The following GRID2 variants were observed in gnomAD, a reference collection of about 807,000 sequenced individuals.
The protein encoded by GRID2 is glutamate receptor ionotropic, delta-2.
Under a neutral mutation model 114.8 loss-of-function variants are expected in GRID2, and 33 were observed. The observed-to-expected ratio is 0.29, with a 90% confidence interval of 0.22 to 0.38. The LOEUF is 0.38. GRID2 is among the 10% of genes least tolerant of loss of function. The pLI is 1.00. For missense variants in GRID2, 1,184 were observed against 1,257.7 expected (o/e 0.94, Z 0.89); for synonymous variants, 505 against 449.9 (o/e 1.12, Z -1.55).
chr4:93,248,026 T>C (rs1386182235), intron 8 of GRID2, among the ~76,000 whole-genome samples: 1 of 152,050 alleles, frequency 6.6e-6, no homozygotes, highest in Non-Finnish European at 1.5e-5. Flanking sequence ...CTTCCCACTC[T>C]ACTAGAGAGC....
intron 2 of GRID2, among the ~76,000 whole-genome samples, chr4:92,656,095 T>G (rs1055945913): frequency 6.6e-6 from 1 of 151,744 alleles, no homozygotes; most frequent in African/African-American, 2.4e-5. Flanking sequence ...TCTATTTTTA[T>G]TTTTTTGAGG....
intron 10 of GRID2, among the ~76,000 whole-genome samples, chr4:93,423,349 T>C (rs1227250944): frequency 1.7e-5 from 2 of 118,822 alleles, no homozygotes; most frequent in Non-Finnish European, 1.8e-5. Context: ...TTTTTTTTTT[T>C]TTTTTTTTTT....
At chr4:93,747,993 T>C (rs1731995980) in intron 14 of GRID2, among the ~76,000 whole-genome samples, 1 of 152,090 alleles carries the variant, frequency 6.6e-6, no homozygotes. Context: ...GTTATATTGG[T>C]TTCTAGATTA....
chr4:93,586,892 A>G (rs1323411673), intron 13 of GRID2, among the ~76,000 whole-genome samples: 3 of 152,096 alleles, frequency 2.0e-5, no homozygotes, highest in Non-Finnish European at 2.9e-5. Context: ...AACCTCATAC[A>G]TATGTACCCT....
chr4:92,918,052 G>A (rs1394300606), intron 2 of GRID2, among the ~76,000 whole-genome samples: 1 of 152,054 alleles, frequency 6.6e-6, no homozygotes, highest in Admixed American at 6.6e-5. Flanking sequence ...AGTTCTCCTT[G>A]AAGAGGTCCT....
chr4:93,496,929 T>C (rs763485064), intron 12 of GRID2, among the ~76,000 whole-genome samples: 15 of 151,944 alleles, frequency 9.9e-5, no homozygotes, highest in Non-Finnish European at 1.8e-4. Flanking sequence ...GTGTTAAGTA[T>C]ATATTTGTTT....
At chr4:93,330,082 C>T (rs1758268690) in intron 8 of GRID2, among the ~76,000 whole-genome samples, 1 of 151,986 alleles carries the variant, frequency 6.6e-6, no homozygotes, top group Admixed American at 6.6e-5. Context: ...GGTAAAATAC[C>T]TGGTGGTTGT....
chr4:92,676,276 T>C (rs1733365999), intron 2 of GRID2, among the ~76,000 whole-genome samples: 1 of 145,440 alleles, frequency 6.9e-6, no homozygotes, highest in Non-Finnish European at 1.5e-5. Context: ...GCCTCCCGGG[T>C]TCATGCCCTT....
intron 1 of GRID2, among the ~76,000 whole-genome samples, chr4:92,327,690 C>T (rs1455211219): frequency 6.6e-6 from 1 of 151,890 alleles, no homozygotes; most frequent in Non-Finnish European, 1.5e-5. Flanking sequence ...GTTATAGTTT[C>T]ACATTTTTAA....
chr4:93,193,253 G>C (rs555933882), intron 4 of GRID2, among the ~76,000 whole-genome samples: 1 of 152,122 alleles, frequency 6.6e-6, no homozygotes, highest in African/African-American at 2.4e-5. Context: ...GTCTGAAGGA[G>C]ACCGAGGGAT....
intron 13 of GRID2, among the ~76,000 whole-genome samples, chr4:93,581,261 G>A (rs1256973877): frequency 6.6e-6 from 1 of 152,002 alleles, no homozygotes. Context: ...GGTGAAAGGA[G>A]AATATTTTCT....
intron 2 of GRID2, among the ~76,000 whole-genome samples, chr4:92,766,376 A>G (rs931890651): frequency 5.9e-5 from 9 of 152,014 alleles, no homozygotes; most frequent in Non-Finnish European, 1.0e-4. Flanking sequence ...GTCTCTACCA[A>G]AACTACAACA....
intron 8 of GRID2, among the ~76,000 whole-genome samples, chr4:93,261,083 C>T (rs1750202423): frequency 6.6e-6 from 1 of 151,678 alleles, no homozygotes; most frequent in African/African-American, 2.4e-5. Context: ...TATAGTATAC[C>T]TATAATGAAT....
At chr4:92,504,405 T>G (rs112988532) in intron 1 of GRID2, among the ~76,000 whole-genome samples, 1 of 151,926 alleles carries the variant, frequency 6.6e-6, no homozygotes, top group Non-Finnish European at 1.5e-5. Context: ...AGGGTGGTGG[T>G]GATAAGGAGA....
At chr4:93,325,388 C>T (rs915885575) in intron 8 of GRID2, among the ~76,000 whole-genome samples, 14 of 152,002 alleles carry the variant, frequency 9.2e-5, no homozygotes, top group Admixed American at 6.6e-4. Flanking sequence ...TTGGTTCTGA[C>T]TCATTCACTC....
At chr4:93,602,030 T>A (rs1036390) in intron 13 of GRID2, among the ~76,000 whole-genome samples, 39,191 of 152,030 alleles carry the variant, frequency 0.26, 5,266 homozygotes, top group Middle Eastern at 0.35. Flanking sequence ...ATGACAAAGT[T>A]ATAATGTAAA....
chr4:92,358,816 A>G (rs111651987), intron 1 of GRID2, among the ~76,000 whole-genome samples: 1 of 152,072 alleles, frequency 6.6e-6, no homozygotes, highest in Non-Finnish European at 1.5e-5. Context: ...ATATTCTAAT[A>G]TACATATTAG....
intron 2 of GRID2, among the ~76,000 whole-genome samples, chr4:92,651,047 A>G (rs113741984): frequency 1.3e-5 from 2 of 152,220 alleles, no homozygotes; most frequent in African/African-American, 2.4e-5. Context: ...TTGTCTGTCA[A>G]AGTGGTTCAT....
chr4:93,181,466 C>A (rs1739890450), intron 4 of GRID2, among the ~76,000 whole-genome samples: 1 of 152,118 alleles, frequency 6.6e-6, no homozygotes, highest in South Asian at 2.1e-4. Context: ...GCTATATTAA[C>A]CCTAACAGGA....
Sources: gnomAD v4.1 joint callset for allele counts (sites outside exome capture counted in the v4.1 genomes callset) on GRCh38, gnomAD v4.1.1 for gene constraint, MANE v1.5 for transcripts, NCBI Gene and HGNC (gene_info 2026-07-23, HGNC 2026-07-21) for gene names.